Variants in CT45A10 observed in about 807,000 individuals in gnomAD.
CT45A10 encodes cancer/testis antigen family 45 member A10.
In CT45A10, 19 loss-of-function variants were observed where a neutral mutation model predicts 8.3. The observed-to-expected ratio is 2.30, with a 90% confidence interval of 1.61 to 3.38. CT45A10 has a LOEUF of 3.38. CT45A10 is among the 30% of genes most tolerant of loss of function. The probability of loss-of-function intolerance (pLI) is 0.00; values close to 1 mark genes in which losing one functional copy is unlikely to be tolerated. For synonymous variants in CT45A10, 28 were observed against 26.5 expected, an observed-to-expected ratio of 1.06 and a Z score of -0.17; for missense variants, 149 against 85.9, an observed-to-expected ratio of 1.73 and a Z score of -2.90.
Position 135,882,954 on chromosome X carries a change from TAGAA to T in CT45A10, c.418+50_418+53del, listed in dbSNP as rs1452605317. 27 of 1,168,814 alleles carry T rather than the reference TAGAA, an allele frequency of 2.3e-5. No homozygotes were observed. The African/African-American group carries it at 4.6e-4, about 20-fold the overall frequency. On this transcript the variant is annotated intron_variant, in intron 3 of 4. Coordinates refer to ENST00000682849, the MANE Select transcript of CT45A10 (RefSeq NM_001291529.2). ...GGTAACATGGATATCTTCTGAATCA[TAGAA>T]AGAGTGACTTCCTACAGTTTTATAA...
intron 2 of CT45A10, among the ~76,000 whole-genome samples, chrX:135,883,572 A>G (rs2088414402): frequency 9.2e-6 from 1 of 108,256 alleles, no homozygotes; most frequent in Admixed American, 9.9e-5. Context: ...AAGGCAGTAC[A>G]ACTCTAAAGC....
At chrX:135,888,622 CA>C (rs2088463405) in intron 1 of CT45A10, among the ~76,000 whole-genome samples, 1 of 110,067 alleles carries the variant, frequency 9.1e-6, no homozygotes, top group Non-Finnish European at 1.9e-5. Context: ...CCCCTGGCCC[CA>C]CAACATAGCC....
intron 1 of CT45A10, among the ~76,000 whole-genome samples, chrX:135,890,976 A>G (rs2088495341): frequency 8.9e-6 from 1 of 111,985 alleles, no homozygotes; most frequent in Non-Finnish European, 1.9e-5. Context: ...AGAGGCCAGA[A>G]ACAATCTGGA....
At chrX:135,882,985 A>G (rs2088399493) in intron 3 of CT45A10, 23 bp downstream of exon 3, 1 of 1,191,942 alleles carries the variant, frequency 8.4e-7, no homozygotes, top group Non-Finnish European at 1.1e-6. Flanking sequence ...GTTTTATAAA[A>G]CAGACGTTCT....
chrX:135,883,631 C>A (rs1332857495), intron 2 of CT45A10, among the ~76,000 whole-genome samples: 1 of 98,560 alleles, frequency 1.0e-5, no homozygotes, highest in Non-Finnish European at 2.1e-5. Flanking sequence ...GCTTGTTATG[C>A]TTTACAAGGT....
At chrX:135,882,957 A>T (rs2088398733) in intron 3 of CT45A10, 51 bp downstream of exon 3, 1 of 1,173,266 alleles carries the variant, frequency 8.5e-7, no homozygotes, top group Middle Eastern at 2.4e-4. Flanking sequence ...TGAATCATAG[A>T]AAGAGTGACT....
Position 135,893,361 on chromosome X carries a change from C to T in CT45A10, c.-23G>A, listed in dbSNP as rs183631594. Among the ~76,000 whole-genome samples, 387 of 112,704 alleles carry T rather than the reference C, an allele frequency of 3.4e-3. No homozygotes were observed. The highest frequency in any genetic ancestry group is 0.011 in the South Asian group (31 of 2,731). On this transcript the variant is annotated 5_prime_UTR_variant, in exon 1 of 5. Transcript: ENST00000682849. ...AGTCCTGACCTTGCCGGAGGAGGGG[C>T]GGCAGCACCTCACAAAATGGCAGTG...
chrX:135,889,209 A>C, intron 1 of CT45A10: 1 of 296,799 alleles, frequency 3.4e-6, no homozygotes, highest in Non-Finnish European at 4.5e-6. Flanking sequence ...TAACAACTGC[A>C]CAGCAACATA....
At position 135,882,584 on chromosome X, in the gene CT45A10, G is replaced by T; in HGVS notation, c.464C>A (p.Thr155Asn). ...FEMLEGVQGPTAVRKRFFESI... is the reference protein window; with the variant it reads ...FEMLEGVQGPNAVRKRFFESI... ...TTCAAAAAATCGTTTCCTGACTGCAGTAGGTCCTTGCACTCCTTCAAGCAT... is the reference window on the plus strand; with the variant it reads ...TTCAAAAAATCGTTTCCTGACTGCATTAGGTCCTTGCACTCCTTCAAGCAT... Residue 155 changes from threonine (T) to asparagine (N), a missense_variant, in exon 4 of 5, where the codon ACT becomes AAT. Transcript: ENST00000682849. The T allele has an allele frequency of 1.7e-6, 2 of 1,157,891 alleles. No homozygotes were observed. Among genetic ancestry groups the T allele is most frequent in the Non-Finnish European group, 2.3e-6 (2 of 869,272 alleles).
chrX:135,883,512 T>C (rs2088412939), intron 2 of CT45A10, among the ~76,000 whole-genome samples: 1 of 110,211 alleles, frequency 9.1e-6, no homozygotes, highest in African/African-American at 3.3e-5. Context: ...CATAATACAA[T>C]AAAACCACCT....
intron 1 of CT45A10, among the ~76,000 whole-genome samples, chrX:135,893,113 C>T (rs1050272191): frequency 6.3e-5 from 7 of 110,370 alleles, no homozygotes; most frequent in East Asian, 2.9e-4. Context: ...AAAAGCCCCC[C>T]GGACCCACAA....
chrX:135,891,618 A>G (rs1458876842), intron 1 of CT45A10, among the ~76,000 whole-genome samples: 1 of 110,385 alleles, frequency 9.1e-6, no homozygotes, highest in Non-Finnish European at 1.9e-5. Context: ...CCATTCCATG[A>G]AAATTTATTT....
In CT45A10 at chrX:135,893,380, G is replaced by A. The variant is rs2088529322; in HGVS notation, c.-42C>T. Among the ~76,000 whole-genome samples, 1 of 112,787 alleles carries A rather than the reference G, an allele frequency of 8.9e-6. No homozygotes were observed. Among genetic ancestry groups the A allele is most frequent in the South Asian group, 3.6e-4 (1 of 2,755 alleles). ...GAGGGGCGGCAGCACCTCACAAAAT[G>A]GCAGTGAAGTTGTGGCGCCTCCCCA... On this transcript the variant is annotated 5_prime_UTR_variant, in exon 1 of 5. Transcript: ENST00000682849.
chrX:135,890,818 G>T (rs1279241278), intron 1 of CT45A10, among the ~76,000 whole-genome samples: 1 of 112,058 alleles, frequency 8.9e-6, no homozygotes, highest in South Asian at 3.7e-4. Flanking sequence ...CAAATCGAAG[G>T]TTTGGTAAAG....
chrX:135,890,765 T>G (rs2088493374), intron 1 of CT45A10, among the ~76,000 whole-genome samples: 1 of 112,258 alleles, frequency 8.9e-6, no homozygotes, highest in Non-Finnish European at 1.9e-5. Context: ...TTAACAAAAT[T>G]TTTTCTGAAA....
intron 3 of CT45A10, 49 bp downstream of exon 3, chrX:135,882,959 A>C: frequency 8.5e-7 from 1 of 1,175,832 alleles, no homozygotes; most frequent in South Asian, 1.9e-5. Flanking sequence ...AATCATAGAA[A>C]GAGTGACTTC....
At chrX:135,888,008 A>T (rs1256763719) in intron 1 of CT45A10, among the ~76,000 whole-genome samples, 5,283 of 63,092 alleles carry the variant, frequency 0.084, 1 homozygote, top group Middle Eastern at 0.21. Flanking sequence ...GCGATCAACC[A>T]ACCGAGGAAA....
intron 1 of CT45A10, among the ~76,000 whole-genome samples, chrX:135,890,479 A>AGACT (rs1442741543): frequency 2.7e-5 from 3 of 112,583 alleles, no homozygotes; most frequent in Non-Finnish European, 3.7e-5. Context: ...AAACTTGGTA[A>AGACT]GACTGGTCTT....
chrX:135,890,800 A>G (rs1270404495), intron 1 of CT45A10, among the ~76,000 whole-genome samples: 1 of 112,442 alleles, frequency 8.9e-6, no homozygotes, highest in African/African-American at 3.2e-5. Flanking sequence ...AATTGTTTTA[A>G]GTATGTGCAA....
Sources: allele counts gnomAD v4.1 joint callset (sites outside exome capture counted in the v4.1 genomes callset), GRCh38; gene constraint gnomAD v4.1.1; transcripts MANE v1.5; gene names NCBI Gene and HGNC (gene_info 2026-07-23, HGNC 2026-07-21).